CATSPERE: variants seen among roughly 807,000 people sequenced by gnomAD.
The protein encoded by CATSPERE is cation channel sperm-associated auxiliary subunit epsilon.
A neutral mutation model predicts 114.1 loss-of-function variants in CATSPERE; 93 were observed. The ratio of observed to expected loss-of-function variants is 0.81; its 90% confidence interval spans 0.69 to 0.97. The LOEUF (loss-of-function observed/expected upper bound fraction) is 0.97. CATSPERE is among the 50% of genes least tolerant of loss of function. The pLI is 0.00. For missense variants in CATSPERE, 1,058 were observed against 1,131.6 expected, an observed-to-expected ratio of 0.93 and a Z score of 0.93; for synonymous variants, 341 against 384.1, an observed-to-expected ratio of 0.89 and a Z score of 1.31.
intron 10 of CATSPERE, among the ~76,000 whole-genome samples, chr1:244,569,869 A>G (rs541497594): frequency 9.2e-5 from 14 of 152,314 alleles, no homozygotes; most frequent in Middle Eastern, 3.4e-3. Context: ...TCCTAGTGCT[A>G]TACTTTTTTG....
chr1:244,497,112 C>A (rs1050845661), intron 6 of CATSPERE, among the ~76,000 whole-genome samples: 2 of 152,082 alleles, frequency 1.3e-5, no homozygotes, highest in South Asian at 2.1e-4. Flanking sequence ...TATGTAAATA[C>A]AATAAATCCA....
intron 8 of CATSPERE, among the ~76,000 whole-genome samples, chr1:244,540,005 G>T (rs12758857): frequency 0.87 from 131,415 of 151,442 alleles, 57,979 homozygotes; most frequent in East Asian, 1. Flanking sequence ...GTTATTTCTT[G>T]CTCAAAATAA....
upstream of CATSPERE, among the ~76,000 whole-genome samples, chr1:244,453,884 G>C (rs1558288683): frequency 6.6e-6 from 1 of 152,160 alleles, no homozygotes; most frequent in Admixed American, 6.5e-5. Flanking sequence ...CGGCTCCTGG[G>C]GGGGTCTCAT....
upstream of CATSPERE, chr1:244,452,041 A>G: frequency 2.6e-6 from 1 of 390,072 alleles, no homozygotes; most frequent in Non-Finnish European, 4.4e-6. Flanking sequence ...CGGCCTCGGC[A>G]GCACCGCCCG....
rs1015284483 is a variant in CATSPERE, at chr1:244,568,863, C to T, written c.1508-3467C>T. Among the ~76,000 whole-genome samples the T allele has an allele frequency of 1.3e-5, 2 of 152,134 alleles. No homozygotes were observed. Among genetic ancestry groups the T allele is most frequent in the Non-Finnish European group, 2.9e-5 (2 of 68,028 alleles). The stretch of plus-strand genomic sequence containing the variant: ...CAGCGGAGTGAATCGTTCTCTCTCA[C>T]TGGTGTTCCTGGCACCACTGGGGTA... On this transcript the variant is annotated intron_variant, in intron 10 of 21. Coordinates refer to ENST00000366534, the MANE Select transcript of CATSPERE (RefSeq NM_001130957.2). This position sits in a 1 kb window ranked among gnomAD's most constrained non-coding sequence, Gnocchi z 4.4.
At chr1:244,486,343 A>G (rs554239680) in intron 5 of CATSPERE, among the ~76,000 whole-genome samples, 20 of 150,344 alleles carry the variant, frequency 1.3e-4, no homozygotes, top group Non-Finnish European at 2.4e-4. Flanking sequence ...AGACCCTTGT[A>G]GTCACCTGGT....
chr1:244,468,094 T>C (rs1667903403), intron 2 of CATSPERE, among the ~76,000 whole-genome samples: 1 of 151,934 alleles, frequency 6.6e-6, no homozygotes, highest in African/African-American at 2.4e-5. Flanking sequence ...TATTGTTTTT[T>C]TTTTTTCTTT....
intron 8 of CATSPERE, among the ~76,000 whole-genome samples, chr1:244,540,205 A>AGGAAG (rs1353497553): frequency 1.4e-3 from 207 of 151,744 alleles, no homozygotes; most frequent in African/African-American, 4.9e-3. Flanking sequence ...TTGGGAAAAG[A>AGGAAG]GGAAGTCAAA....
chr1:244,522,578 AG>A (rs1397201090), intron 8 of CATSPERE, among the ~76,000 whole-genome samples: 1 of 152,252 alleles, frequency 6.6e-6, no homozygotes, highest in African/African-American at 2.4e-5. Flanking sequence ...CAAAATTGAT[AG>A]ACCACTAGCA....
Position 244,635,524 on chromosome 1 carries a change from C to G in CATSPERE, c.2684C>G (p.Thr895Arg), listed in dbSNP as rs1375036606. Residue 895 changes from threonine (T) to arginine (R), a missense_variant, in exon 21 of 22, where the codon ACA (threonine) becomes AGA (arginine). Around this residue, in one of 2 missense-constraint regions of CATSPERE, gnomAD observed 787 missense variants for 905.6 expected, o/e 0.87. Transcript: ENST00000366534. ...CNLTAMFAIE[T>R]FGLIPSPSVY... is the part of the protein sequence containing the mutation. ...CTAACAGCTATGTTTGCAATAGAGA[C>G]ATTTGGACTGATTCCCAGGTAAGGA... 6.2e-7 allele frequency: 1 copy of G among 1,612,698 alleles called. No homozygotes were observed. Among genetic ancestry groups the G allele is most frequent in the Admixed American group, 1.7e-5 (1 of 59,974 alleles).
chr1:244,472,047 C>T (rs1439323455), intron 2 of CATSPERE, among the ~76,000 whole-genome samples: 2 of 152,170 alleles, frequency 1.3e-5, no homozygotes, highest in Non-Finnish European at 2.9e-5. Flanking sequence ...CAACCTCAAA[C>T]TCCTGGACTC....
chr1:244,493,647 A>G (rs1572390156), intron 6 of CATSPERE, among the ~76,000 whole-genome samples: 2 of 152,206 alleles, frequency 1.3e-5, no homozygotes, highest in African/African-American at 2.4e-5. Context: ...AGAAACTACC[A>G]TCAGAGTGAA....
At chr1:244,483,630 C>G (rs1458495354) in intron 5 of CATSPERE, among the ~76,000 whole-genome samples, 1 of 152,064 alleles carries the variant, frequency 6.6e-6, no homozygotes, top group Non-Finnish European at 1.5e-5. Flanking sequence ...CTTTCCTATT[C>G]AATAAGTATT....
chr1:244,525,690 T>G (rs1039707998), intron 8 of CATSPERE, among the ~76,000 whole-genome samples: 1 of 152,126 alleles, frequency 6.6e-6, no homozygotes, highest in African/African-American at 2.4e-5. Flanking sequence ...GAGAAATCCA[T>G]GCACAGTTAC....
At chr1:244,496,892 C>G (rs370762575) in intron 6 of CATSPERE, among the ~76,000 whole-genome samples, 5 of 152,216 alleles carry the variant, frequency 3.3e-5, no homozygotes, top group Admixed American at 6.5e-5. Flanking sequence ...AAGATCAATA[C>G]AAAAGCATAA....
At chr1:244,504,000 C>T (rs1674459935) in intron 7 of CATSPERE, among the ~76,000 whole-genome samples, 1 of 152,164 alleles carries the variant, frequency 6.6e-6, no homozygotes, top group Non-Finnish European at 1.5e-5. Flanking sequence ...GGAGATATTT[C>T]ATGCTTATTT....
chr1:244,458,517 A>T (rs1666360660), upstream of CATSPERE, among the ~76,000 whole-genome samples: 2 of 152,080 alleles, frequency 1.3e-5, no homozygotes. Context: ...AAATTGTGCT[A>T]TTGGAATGGA....
intron 8 of CATSPERE, among the ~76,000 whole-genome samples, chr1:244,547,725 G>C (rs1032102864): frequency 7.2e-5 from 11 of 152,088 alleles, no homozygotes; most frequent in African/African-American, 2.7e-4. Flanking sequence ...CATACTACTA[G>C]AGAACATCTC....
intron 2 of CATSPERE, among the ~76,000 whole-genome samples, chr1:244,464,531 T>C (rs1402066838): frequency 1.3e-5 from 2 of 152,230 alleles, no homozygotes; most frequent in Non-Finnish European, 2.9e-5. Context: ...ATTTTCCTGC[T>C]ATATGTAGCC....
Sources: gnomAD v4.1 joint callset for allele counts (sites outside exome capture counted in the v4.1 genomes callset) on GRCh38, gnomAD v4.1.1 for gene constraint, gnomAD v4.1.1 regional missense constraint, Gnocchi (gnomAD v3.1) non-coding constraint, MANE v1.5 for transcripts, NCBI Gene and HGNC (gene_info 2026-07-23, HGNC 2026-07-21) for gene names.